KCNQ5: variants seen among roughly 807,000 people sequenced by gnomAD.
KCNQ5 encodes the protein potassium voltage-gated channel subfamily KQT member 5.
In KCNQ5, 30 loss-of-function variants were observed where a neutral mutation model predicts 98.2. The observed-to-expected ratio is 0.31, with a 90% CI of 0.23 to 0.41. The LOEUF (loss-of-function observed/expected upper bound fraction) is 0.41, where lower values mean the gene tolerates loss of function less well. KCNQ5 is among the 10% of genes least tolerant of loss of function. The pLI is 1.00. For synonymous variants in KCNQ5, 458 were observed against 449.4 expected (o/e 1.02, Z -0.24); for missense variants, 835 against 1,182.5 (o/e 0.71, Z 4.31).
chr6:73,186,628 C>T (rs958897330), intron 11 of KCNQ5, among the ~76,000 whole-genome samples: 7 of 151,752 alleles, frequency 4.6e-5, no homozygotes, highest in Admixed American at 1.3e-4. Flanking sequence ...ATGGTACAGA[C>T]GCAATAGATG....
intron 1 of KCNQ5, among the ~76,000 whole-genome samples, chr6:72,700,059 G>A (rs915235498): frequency 3.6e-4 from 55 of 152,074 alleles, no homozygotes; most frequent in Non-Finnish European, 1.5e-4. Context: ...TATAGAGTAA[G>A]CACTCAATAA....
intron 1 of KCNQ5, among the ~76,000 whole-genome samples, chr6:72,795,248 G>T (rs1774267150): frequency 6.6e-6 from 1 of 152,168 alleles, no homozygotes; most frequent in Non-Finnish European, 1.5e-5. Context: ...GAATTATGCT[G>T]ATTGCCAGGC....
chr6:73,084,531 A>T (rs1398692260), intron 5 of KCNQ5, among the ~76,000 whole-genome samples: 1 of 152,170 alleles, frequency 6.6e-6, no homozygotes, highest in Admixed American at 6.5e-5. Flanking sequence ...CAATACAGAG[A>T]TGATGAGATA....
chr6:72,636,768 A>T (rs1318069062), intron 1 of KCNQ5, among the ~76,000 whole-genome samples: 1 of 152,236 alleles, frequency 6.6e-6, no homozygotes, highest in Non-Finnish European at 1.5e-5. Flanking sequence ...AGAAATTTTC[A>T]TCTAGAAAGA....
chr6:73,025,706 AAAAATCAAATAT>A (rs1472177651), intron 2 of KCNQ5, among the ~76,000 whole-genome samples: 3 of 151,752 alleles, frequency 2.0e-5, no homozygotes, highest in Admixed American at 6.6e-5. Flanking sequence ...GAAAGTATAT[AAAAATCAAATAT>A]AAGATGGTTC....
At chr6:72,828,111 A>G (rs561026577) in intron 1 of KCNQ5, among the ~76,000 whole-genome samples, 12 of 152,170 alleles carry the variant, frequency 7.9e-5, no homozygotes, top group African/African-American at 2.9e-4. Flanking sequence ...TGTTAGTACT[A>G]TGCTGTTGTA....
intron 10 of KCNQ5, among the ~76,000 whole-genome samples, chr6:73,162,842 G>T (rs1279866434): frequency 2.0e-5 from 3 of 152,148 alleles, no homozygotes; most frequent in Non-Finnish European, 2.9e-5. Context: ...TGGATTTTCT[G>T]CAGGTTCTCT....
intron 1 of KCNQ5, among the ~76,000 whole-genome samples, chr6:72,800,195 G>T (rs1774567756): frequency 6.6e-6 from 1 of 152,164 alleles, no homozygotes; most frequent in East Asian, 1.9e-4. Context: ...AATAGTTTCA[G>T]AAGGAATGGT....
chr6:72,987,028 C>CA, intron 1 of KCNQ5: 1 of 776,776 alleles, frequency 1.3e-6, no homozygotes, highest in Non-Finnish European at 2.2e-6. Flanking sequence ...GATGCCCTCC[C>CA]AGGCCACTCC....
intron 11 of KCNQ5, among the ~76,000 whole-genome samples, chr6:73,178,794 A>T (rs1778306300): frequency 1.3e-5 from 2 of 152,264 alleles, no homozygotes; most frequent in African/African-American, 4.8e-5. Context: ...TTTGCAGATT[A>T]TAAAACTGTC....
intron 1 of KCNQ5, among the ~76,000 whole-genome samples, chr6:72,750,400 C>T (rs1313765764): frequency 6.6e-6 from 1 of 152,010 alleles, no homozygotes; most frequent in Non-Finnish European, 1.5e-5. Flanking sequence ...TTTGGAAATG[C>T]AGGACTACTT....
chr6:73,173,125 A>G (rs1006352170), intron 11 of KCNQ5, among the ~76,000 whole-genome samples: 2 of 152,204 alleles, frequency 1.3e-5, no homozygotes, highest in African/African-American at 4.8e-5. Context: ...TTTCCAAAAT[A>G]TGTCTTTTAC....
chr6:72,639,031 G>A (rs75388924), intron 1 of KCNQ5, among the ~76,000 whole-genome samples: 5,334 of 152,246 alleles, frequency 0.035, 112 homozygotes, highest in Middle Eastern at 0.12. Context: ...TTCTGTTTTA[G>A]GTAAAGAACA....
intron 11 of KCNQ5, among the ~76,000 whole-genome samples, chr6:73,179,817 A>G (rs896904169): frequency 6.6e-6 from 1 of 152,172 alleles, no homozygotes; most frequent in African/African-American, 2.4e-5. Context: ...CTGCATTCCC[A>G]TATCAACCTG....
intron 10 of KCNQ5, among the ~76,000 whole-genome samples, chr6:73,167,838 G>GTT (rs1777862454): frequency 6.6e-6 from 1 of 152,124 alleles, no homozygotes. Flanking sequence ...GGCCTACCTA[G>GTT]TTCACTCCAG....
At chr6:72,743,407 A>G (rs1771228099) in intron 1 of KCNQ5, among the ~76,000 whole-genome samples, 1 of 152,092 alleles carries the variant, frequency 6.6e-6, no homozygotes, top group South Asian at 2.1e-4. Context: ...TTAAGCTAAC[A>G]TTACCAAGCA....
chr6:72,745,428 A>G (rs1771336697), intron 1 of KCNQ5, among the ~76,000 whole-genome samples: 1 of 152,220 alleles, frequency 6.6e-6, no homozygotes, highest in South Asian at 2.1e-4. Context: ...GCCACATCCA[A>G]TCATTCAGGA....
intron 1 of KCNQ5, among the ~76,000 whole-genome samples, chr6:72,992,788 C>T (rs994615381): frequency 2.7e-5 from 3 of 109,894 alleles, no homozygotes; most frequent in Admixed American, 9.2e-5. Context: ...GATTTTGCAG[C>T]GGCTGGTACC....
At chr6:72,683,079 C>T (rs1192121566) in intron 1 of KCNQ5, among the ~76,000 whole-genome samples, 1 of 152,182 alleles carries the variant, frequency 6.6e-6, no homozygotes, top group Non-Finnish European at 1.5e-5. Flanking sequence ...AAGATGGCGT[C>T]CTTACTGCTT....
Sources: gnomAD v4.1 joint callset for allele counts (sites outside exome capture counted in the v4.1 genomes callset) on GRCh38, gnomAD v4.1.1 for gene constraint, MANE v1.5 for transcripts, NCBI Gene and HGNC (gene_info 2026-07-23, HGNC 2026-07-21) for gene names.